The following SLC44A2 variants were observed in gnomAD, a reference collection of about 807,000 sequenced individuals.
The protein encoded by SLC44A2 is choline transporter-like protein 2.
SLC44A2 carries 57 observed loss-of-function variants against 90.8 expected under a neutral mutation model. That is an observed-to-expected ratio of 0.63 (90% CI 0.51 to 0.78). SLC44A2 has a LOEUF of 0.78. Ranked by LOEUF, SLC44A2 falls within the 30% of genes least tolerant of loss-of-function variation. The probability of loss-of-function intolerance (pLI) is 0.00; values close to 1 mark genes in which losing one functional copy is unlikely to be tolerated. For synonymous variants in SLC44A2, 355 were observed against 360.7 expected (o/e 0.98, Z 0.18); for missense variants, 794 against 919.7 (o/e 0.86, Z 1.77).
intron 1 of SLC44A2, among the ~76,000 whole-genome samples, 183 bp downstream of exon 1, chr19:10,625,853 C>T (rs2066927808): frequency 6.6e-6 from 1 of 152,032 alleles, no homozygotes; most frequent in African/African-American, 2.4e-5. Flanking sequence ...GCCTCGCAGA[C>T]GACCCTCCTT....
rs1446027142 is a variant in SLC44A2 at position 10,635,034 on chromosome 19, G to T, written c.1016G>T (p.Arg339Ile). ...IILLLIFLRK[R>I]ILIAIALIKE... ...TTGCTGCTCATCTTTCTCCGGAAGA[G>T]AATTCTCATCGCGATTGCACTCATC... The change falls in exon 12 of 22, where the codon AGA becomes ATA. Residue 339 changes from arginine to isoleucine, a missense_variant. By Grantham distance (97) the Arg-to-Ile change is moderately conservative. Around this residue, in one of 3 missense-constraint regions of SLC44A2, gnomAD observed 738 missense variants for 841.1 expected, o/e 0.88. Transcript: ENST00000335757. 2 of 1,614,064 alleles carry T rather than the reference G, an allele frequency of 1.2e-6. No individual in the cohort carries two copies. The highest frequency in any genetic ancestry group is 1.7e-6 in the Non-Finnish European group (2 of 1,180,050).
At chr19:10,605,160 A>T (rs986476287) in intron 1 of SLC44A2, among the ~76,000 whole-genome samples, 14 of 151,984 alleles carry the variant, frequency 9.2e-5, no homozygotes, top group Non-Finnish European at 1.6e-4. Context: ...AGGCTGGGGG[A>T]TCACGAGGTC....
intron 20 of SLC44A2, among the ~76,000 whole-genome samples, chr19:10,639,929 AG>A (rs1020798130): frequency 2.0e-4 from 30 of 151,474 alleles, no homozygotes; most frequent in Non-Finnish European, 4.1e-4. Context: ...AAGGCTGTGG[AG>A]GGATTGAGCC....
At chr19:10,602,651 G>A in intron 1 of SLC44A2, 1 of 1,163,050 alleles carries the variant, frequency 8.6e-7, no homozygotes, top group Non-Finnish European at 1.1e-6. Flanking sequence ...CCTAGGCACC[G>A]GCGCTGCGGC....
chr19:10,629,775 A>G (rs1296843095), intron 4 of SLC44A2, among the ~76,000 whole-genome samples: 1 of 147,916 alleles, frequency 6.8e-6, no homozygotes, highest in Non-Finnish European at 1.5e-5. Flanking sequence ...TTTTTTTGAG[A>G]CAGAGTCTCG....
upstream of SLC44A2, among the ~76,000 whole-genome samples, chr19:10,623,854 T>A (rs1320658369): frequency 1.3e-5 from 2 of 151,904 alleles, no homozygotes; most frequent in African/African-American, 4.8e-5. Flanking sequence ...CACACCTGGC[T>A]AATTTTTGTA....
intron 10 of SLC44A2, among the ~76,000 whole-genome samples, chr19:10,634,378 C>G (rs912299002): frequency 2.0e-5 from 3 of 150,954 alleles, no homozygotes; most frequent in Admixed American, 2.0e-4. Flanking sequence ...GCAGGAGAAT[C>G]GCTTGAACCC....
intron 1 of SLC44A2, among the ~76,000 whole-genome samples, chr19:10,625,875 C>A (rs1419600882): frequency 3.3e-5 from 5 of 152,068 alleles, no homozygotes; most frequent in Admixed American, 1.3e-4. Flanking sequence ...CTCTCCCCTA[C>A]CCGAAGGACC....
Position 10,636,761 on chromosome 19 carries a change from GTCCCACCCACGGT to G in SLC44A2, c.1591+8_1591+20del. 1 of 1,612,650 alleles carries G rather than the reference GTCCCACCCACGGT, an allele frequency of 6.2e-7. No individual in the cohort carries two copies. The highest frequency in any genetic ancestry group is 8.5e-7 in the Non-Finnish European group (1 of 1,179,302). ...ACCTGGATCAGCGGCTGAAAGGTACGTCCCACCCACGGTTCGCATTAGCTCCTGTTGCGGGGCG... is the reference window on the plus strand; with the variant it reads ...ACCTGGATCAGCGGCTGAAAGGTACGTCGCATTAGCTCCTGTTGCGGGGCG... On this transcript the variant is annotated splice_donor_region_variant and intron_variant, in intron 16 of 21. Transcript: ENST00000335757.
rs547833890 is a variant in SLC44A2, at chr19:10,618,025, G to T, written c.32-8228G>T. On this transcript the variant is annotated intron_variant, in intron 1 of 21. Transcript: ENST00000407327. ...TCCATGTGGAATTTTTTTTCTTTTA[G>T]ACAGTTTCACTCTTCTCATCCAGGC... Among the ~76,000 whole-genome samples the T allele has an allele frequency of 3.8e-4, 58 of 152,102 alleles. No individual in the cohort carries two copies. In the South Asian group the frequency reaches 4.6e-3, roughly 12 times the overall value.
intron 1 of SLC44A2, 101 bp downstream of exon 1, chr19:10,625,771 G>A (rs1388271828): frequency 1.9e-6 from 2 of 1,049,214 alleles, no homozygotes; most frequent in Admixed American, 8.1e-5. Context: ...TGGAGGGGGA[G>A]CGCAATTGCA....
At chr19:10,642,703 C>T (rs1021273332) in intron 21 of SLC44A2, among the ~76,000 whole-genome samples, 1 of 152,196 alleles carries the variant, frequency 6.6e-6, no homozygotes, top group African/African-American at 2.4e-5. Context: ...TTCGCAGTTT[C>T]TGGCTTTGAC....
chr19:10,636,243 G>C (rs188069089), intron 14 of SLC44A2, 80 bp from the exon 15 acceptor site: 3 of 1,500,160 alleles, frequency 2.0e-6, no homozygotes, highest in Non-Finnish European at 2.7e-6. Flanking sequence ...TGGTTTTCCT[G>C]GCCCCACACC....
intron 1 of SLC44A2, among the ~76,000 whole-genome samples, chr19:10,602,894 C>A (rs1025886399): frequency 2.0e-5 from 3 of 152,142 alleles, no homozygotes; most frequent in Non-Finnish European, 4.4e-5. Context: ...AGAGACAGGG[C>A]CCTGACCTCC....
upstream of SLC44A2, chr19:10,625,398 G>A (rs1024240539): frequency 5.3e-6 from 6 of 1,129,008 alleles, no homozygotes; most frequent in Non-Finnish European, 6.7e-6. Context: ...AAGGCTAAAT[G>A]CGGCCGGCCG....
At chr19:10,625,057 C>G (rs1451239122), upstream of SLC44A2, among the ~76,000 whole-genome samples, 1 of 151,894 alleles carries the variant, frequency 6.6e-6, no homozygotes, top group African/African-American at 2.4e-5. Flanking sequence ...TGGCTTGAGG[C>G]AGGGAGGTCG....
chr19:10,614,119 C>A (rs139291332), intron 1 of SLC44A2, among the ~76,000 whole-genome samples: 148 of 152,118 alleles, frequency 9.7e-4, no homozygotes, highest in African/African-American at 3.4e-3. Flanking sequence ...GTGCACACCA[C>A]CACGCCCAGC....
chr19:10,619,466 C>T (rs1259991018), intron 1 of SLC44A2, among the ~76,000 whole-genome samples: 1 of 149,152 alleles, frequency 6.7e-6, no homozygotes, highest in African/African-American at 2.5e-5. Flanking sequence ...TTTTTTAAGC[C>T]TCAGAGCCTA....
At chr19:10,638,594 G>GC (rs1391189957) in intron 20 of SLC44A2, among the ~76,000 whole-genome samples, 3 of 151,902 alleles carry the variant, frequency 2.0e-5, no homozygotes, top group Non-Finnish European at 4.4e-5. Context: ...ACAGGTGCCT[G>GC]CCCCCACACC....
Sources: gnomAD v4.1 joint callset for allele counts (sites outside exome capture counted in the v4.1 genomes callset) on GRCh38, gnomAD v4.1.1 for gene constraint, gnomAD v4.1.1 regional missense constraint, MANE v1.5 for transcripts, NCBI Gene and HGNC (gene_info 2026-07-23, HGNC 2026-07-21) for gene names.